Variants in ZNF385D observed in about 807,000 individuals in gnomAD.
ZNF385D encodes the protein zinc finger protein 659.
ZNF385D carries 15 observed loss-of-function variants against 35.8 expected under a neutral mutation model. The ratio of observed to expected loss-of-function variants is 0.42; its 90% CI spans 0.28 to 0.64. The LOEUF is 0.64. Ranked by LOEUF, ZNF385D falls within the 30% of genes least tolerant of loss-of-function variation. ZNF385D has a pLI of 0.23. For missense variants in ZNF385D, 474 were observed against 494.6 expected, an observed-to-expected ratio of 0.96 and a Z score of 0.39; for synonymous variants, 212 against 186.8, an observed-to-expected ratio of 1.13 and a Z score of -1.10.
At chr3:21,469,899 C>A (rs1703773198) in intron 4 of ZNF385D, among the ~76,000 whole-genome samples, 1 of 151,488 alleles carries the variant, frequency 6.6e-6, no homozygotes, top group South Asian at 2.1e-4. Flanking sequence ...TCCTTCATTT[C>A]TTGCAAAGTA....
intron 3 of ZNF385D, among the ~76,000 whole-genome samples, chr3:21,552,660 T>C (rs1317167615): frequency 6.6e-6 from 1 of 152,208 alleles, no homozygotes; most frequent in Non-Finnish European, 1.5e-5. Flanking sequence ...TCAGCTTATA[T>C]AGACCAAAGA....
At chr3:22,093,249 G>GA (rs1256240633) in intron 3 of ZNF385D, among the ~76,000 whole-genome samples, 1 of 151,844 alleles carries the variant, frequency 6.6e-6, no homozygotes, top group East Asian at 1.9e-4. Context: ...ACATTTTTTA[G>GA]AAAAAAGTAA....
intron 3 of ZNF385D, among the ~76,000 whole-genome samples, chr3:21,825,522 C>T (rs1415616387): frequency 8.0e-6 from 1 of 124,324 alleles, no homozygotes; most frequent in African/African-American, 3.0e-5. Context: ...GGGGTTCTTT[C>T]AGTGGCTTAC....
At chr3:21,967,598 G>A (rs1417347467) in intron 3 of ZNF385D, among the ~76,000 whole-genome samples, 2 of 152,174 alleles carry the variant, frequency 1.3e-5, no homozygotes, top group Non-Finnish European at 2.9e-5. Flanking sequence ...TTCTTCCTCA[G>A]GTCATTTACT....
At chr3:22,076,902 T>C (rs939797352) in intron 3 of ZNF385D, among the ~76,000 whole-genome samples, 10 of 152,014 alleles carry the variant, frequency 6.6e-5, no homozygotes, top group East Asian at 1.9e-4. Flanking sequence ...AACAGATGAA[T>C]AGAACAATGA....
intron 1 of ZNF385D, among the ~76,000 whole-genome samples, chr3:21,726,929 A>C (rs1418982109): frequency 1.3e-5 from 2 of 152,198 alleles, no homozygotes; most frequent in Non-Finnish European, 2.9e-5. Context: ...CTATACTACA[A>C]GGCTGTAGTA....
At chr3:21,987,113 T>G (rs1375249020) in intron 3 of ZNF385D, among the ~76,000 whole-genome samples, 1 of 124,116 alleles carries the variant, frequency 8.1e-6, no homozygotes, top group African/African-American at 3.5e-5. Flanking sequence ...GGGTCTTGAC[T>G]CTTTATCCAA....
At chr3:21,834,538 C>T (rs1695202410) in intron 3 of ZNF385D, among the ~76,000 whole-genome samples, 1 of 152,184 alleles carries the variant, frequency 6.6e-6, no homozygotes, top group African/African-American at 2.4e-5. Context: ...ACATGGTTAT[C>T]ATTGACCTGT....
intron 1 of ZNF385D, among the ~76,000 whole-genome samples, chr3:21,725,608 A>G (rs547415862): frequency 1.3e-5 from 2 of 152,320 alleles, no homozygotes; most frequent in South Asian, 2.1e-4. Flanking sequence ...TCCTGGGCAT[A>G]TACACCCGTC....
chr3:22,140,138 C>G (rs921648338), intron 3 of ZNF385D, among the ~76,000 whole-genome samples: 1 of 152,200 alleles, frequency 6.6e-6, no homozygotes, highest in Admixed American at 6.6e-5. Context: ...TCACAGAACT[C>G]TGTACATAAA....
At chr3:22,262,486 G>A (rs931443488) in intron 2 of ZNF385D, among the ~76,000 whole-genome samples, 1 of 151,894 alleles carries the variant, frequency 6.6e-6, no homozygotes, top group Non-Finnish European at 1.5e-5. Context: ...AGAAAAAATA[G>A]ACACAAGTGC....
chr3:22,062,488 C>G (rs1699743193), intron 3 of ZNF385D, among the ~76,000 whole-genome samples: 1 of 152,188 alleles, frequency 6.6e-6, no homozygotes, highest in South Asian at 2.1e-4. Context: ...TTGCTTCTTG[C>G]AGCAATCATG....
At chr3:21,679,555 T>A (rs766639656) in intron 1 of ZNF385D, among the ~76,000 whole-genome samples, 89 of 152,106 alleles carry the variant, frequency 5.9e-4, no homozygotes, top group Non-Finnish European at 8.7e-4. Flanking sequence ...CTTTGAAAGC[T>A]AATCCAGAGA....
At chr3:21,849,971 T>C (rs554887538) in intron 3 of ZNF385D, among the ~76,000 whole-genome samples, 3 of 152,002 alleles carry the variant, frequency 2.0e-5, no homozygotes, top group African/African-American at 7.2e-5. Context: ...CTCGAACTCC[T>C]GGACTCCAGA....
chr3:21,856,998 C>T (rs1696752602), intron 3 of ZNF385D, among the ~76,000 whole-genome samples: 1 of 152,046 alleles, frequency 6.6e-6, no homozygotes, highest in Admixed American at 6.6e-5. Flanking sequence ...CCATGTTCCA[C>T]CTAAGAAGGG....
chr3:22,138,176 C>G (rs979971867), intron 3 of ZNF385D, among the ~76,000 whole-genome samples: 3 of 152,024 alleles, frequency 2.0e-5, no homozygotes, highest in Non-Finnish European at 2.9e-5. Context: ...AGGATACAAA[C>G]AAATGGAAGA....
chr3:21,926,091 G>A (rs1279060555), intron 3 of ZNF385D, among the ~76,000 whole-genome samples: 1 of 151,628 alleles, frequency 6.6e-6, no homozygotes, highest in African/African-American at 2.4e-5. Flanking sequence ...AACTAAACAT[G>A]CAATTAATGT....
At chr3:21,595,948 A>C (rs1237761949) in intron 2 of ZNF385D, among the ~76,000 whole-genome samples, 1 of 152,236 alleles carries the variant, frequency 6.6e-6, no homozygotes, top group Non-Finnish European at 1.5e-5. Flanking sequence ...AAACAAAAAA[A>C]GCACAATACC....
At chr3:22,128,782 G>T (rs904037532) in intron 3 of ZNF385D, among the ~76,000 whole-genome samples, 23 of 152,196 alleles carry the variant, frequency 1.5e-4, no homozygotes, top group Admixed American at 1.3e-3. Context: ...ATTTATATAA[G>T]ATTTTGAATT....
Sources: allele counts gnomAD v4.1 joint callset (sites outside exome capture counted in the v4.1 genomes callset), GRCh38; gene constraint gnomAD v4.1.1; transcripts MANE v1.5; gene names NCBI Gene and HGNC (gene_info 2026-07-23, HGNC 2026-07-21).